Variants in KCNJ6 observed in about 807,000 individuals in gnomAD.
KCNJ6 encodes the protein G protein-activated inward rectifier potassium channel 2.
Under a neutral mutation model 34.2 loss-of-function variants are expected in KCNJ6, and 9 were observed. That is an observed-to-expected ratio of 0.26 (90% CI 0.16 to 0.46). KCNJ6 has a LOEUF of 0.46. KCNJ6 is among the 20% of genes least tolerant of loss of function. KCNJ6 has a pLI of 1.00. For synonymous variants in KCNJ6, 196 were observed against 207.1 expected, an observed-to-expected ratio of 0.95 and a Z score of 0.46; for missense variants, 236 against 531.3, an observed-to-expected ratio of 0.44 and a Z score of 5.46.
At position 37,732,050 on chromosome 21, in the gene KCNJ6, G is replaced by A. The variant is rs147612635; in HGVS notation, c.26-16919C>T. On this transcript the variant is annotated intron_variant, in intron 2 of 3. Transcript: ENST00000609713. ...TTAGATGAGGAAGGGAGATGGCAGC[G>A]TGGCTGGGGAAAACAAGCATGACAC... Among the ~76,000 whole-genome samples the A allele has an allele frequency of 9.5e-3, 1,448 of 152,356 alleles. 8 individuals are homozygous for A. Among genetic ancestry groups the A allele is most frequent in the Middle Eastern group, 0.051 (15 of 294 alleles).
intron 2 of KCNJ6, among the ~76,000 whole-genome samples, chr21:37,833,609 C>A (rs2055437683): frequency 6.6e-6 from 1 of 152,004 alleles, no homozygotes; most frequent in Non-Finnish European, 1.5e-5. Context: ...CAGGGTGACC[C>A]TAACATGTCC....
intron 1 of KCNJ6, among the ~76,000 whole-genome samples, chr21:37,861,115 CTT>C (rs1478520015): frequency 6.6e-6 from 1 of 152,322 alleles, no homozygotes; most frequent in East Asian, 1.9e-4. Flanking sequence ...CTACATCAAT[CTT>C]TGTTTCTTTA....
intron 1 of KCNJ6, among the ~76,000 whole-genome samples, chr21:37,901,456 A>T (rs1014225362): frequency 9.9e-5 from 15 of 151,998 alleles, no homozygotes; most frequent in African/African-American, 3.6e-4. Context: ...GAGCTCCTCC[A>T]CCCCCACACA....
chr21:37,909,873 C>T (rs1201342567), intron 1 of KCNJ6, among the ~76,000 whole-genome samples: 1 of 152,192 alleles, frequency 6.6e-6, no homozygotes, highest in Non-Finnish European at 1.5e-5. Context: ...ATGTCTCTAC[C>T]TGTTGCTGCA....
intron 3 of KCNJ6, among the ~76,000 whole-genome samples, chr21:37,703,983 C>T (rs865775598): frequency 6.6e-6 from 1 of 152,236 alleles, no homozygotes; most frequent in Non-Finnish European, 1.5e-5. Flanking sequence ...CCCTGCTGGG[C>T]CTGGTTTGTG....
intron 2 of KCNJ6, among the ~76,000 whole-genome samples, chr21:37,735,535 T>C (rs1569454150): frequency 6.6e-6 from 1 of 152,240 alleles, no homozygotes; most frequent in Non-Finnish European, 1.5e-5. Context: ...TGGTGAATGA[T>C]GACTTGGCAA....
chr21:37,876,466 G>T (rs1255659877), intron 1 of KCNJ6, among the ~76,000 whole-genome samples: 2 of 151,902 alleles, frequency 1.3e-5, no homozygotes, highest in African/African-American at 4.8e-5. Context: ...ATTCATTTTT[G>T]CATCATCATA....
At chr21:37,687,123 T>C (rs550825899) in intron 3 of KCNJ6, among the ~76,000 whole-genome samples, 1 of 152,172 alleles carries the variant, frequency 6.6e-6, no homozygotes, top group East Asian at 1.9e-4. Flanking sequence ...CTTGGAGGCA[T>C]TTCAGTGGCT....
chr21:37,662,069 C>G (rs1163900681), intron 3 of KCNJ6, among the ~76,000 whole-genome samples: 3 of 152,020 alleles, frequency 2.0e-5, no homozygotes, highest in Admixed American at 2.0e-4. Flanking sequence ...TCCTTGCAGT[C>G]TTGTGATCAG....
At chr21:37,678,990 A>G (rs2054579044) in intron 3 of KCNJ6, among the ~76,000 whole-genome samples, 2 of 152,184 alleles carry the variant, frequency 1.3e-5, no homozygotes, top group Admixed American at 1.3e-4. Flanking sequence ...GTGTAACTTT[A>G]GAGACTAAGT....
At chr21:37,686,810 T>C (rs4295095) in intron 3 of KCNJ6, among the ~76,000 whole-genome samples, 148,631 of 152,058 alleles carry the variant, frequency 0.98, 72,678 homozygotes, top group East Asian at 1. Context: ...GACAGGGACC[T>C]GTGCATTTAT....
intron 2 of KCNJ6, among the ~76,000 whole-genome samples, chr21:37,834,706 T>C (rs2055443402): frequency 3.3e-5 from 5 of 152,402 alleles, no homozygotes; most frequent in East Asian, 3.9e-4. Context: ...TCATTTCATC[T>C]GACACAACAG....
At chr21:37,828,329 T>A (rs973535302) in intron 2 of KCNJ6, among the ~76,000 whole-genome samples, 1 of 152,168 alleles carries the variant, frequency 6.6e-6, no homozygotes, top group Admixed American at 6.5e-5. Flanking sequence ...AGGAGGTGGC[T>A]TTCTCCCACT....
chr21:37,817,628 A>G (rs2123549965), intron 2 of KCNJ6, among the ~76,000 whole-genome samples: 1 of 152,262 alleles, frequency 6.6e-6, no homozygotes, highest in Middle Eastern at 3.4e-3. Context: ...TCTCAGGTTC[A>G]CCTTAGCCTG....
At chr21:37,631,132 C>T (rs930457864) in intron 3 of KCNJ6, among the ~76,000 whole-genome samples, 1 of 152,112 alleles carries the variant, frequency 6.6e-6, no homozygotes, top group Non-Finnish European at 1.5e-5. Context: ...GTCTTATTTC[C>T]ATATTCCTTA....
In KCNJ6 at chr21:37,766,057, C is replaced by T. The variant is rs575563711; in HGVS notation, c.26-50926G>A. 3.9e-5 allele frequency among the ~76,000 whole-genome samples: 6 copies of T among 152,326 alleles called. No homozygotes were observed. The East Asian group carries it at 5.8e-4, about 15-fold the overall frequency. ...GCCTGTTGATAAACATTTACCAGCA[C>T]GCCACTAGTTAGAAGCTACAGAGTT... is the stretch of plus-strand genomic sequence containing the variant. On this transcript the variant is annotated intron_variant, in intron 2 of 3. Transcript: ENST00000609713.
Position 37,649,150 on chromosome 21 carries a change from AAAAAG to A in KCNJ6, c.947-23671_947-23667del, listed in dbSNP as rs1298932409. Among the ~76,000 whole-genome samples the A allele has an allele frequency of 1.7e-4, 26 of 150,182 alleles. 1 individual carries two copies. The highest frequency in any genetic ancestry group is 1.0e-3 in the Admixed American group (15 of 15,068). Reference sequence around the variant, plus strand: ...TCCATCTCAAAAAAAAAAAAAAAAAAAAAAGAAAGAAAAAGAAAGGGAGTTTATAA... The same window carrying A: ...TCCATCTCAAAAAAAAAAAAAAAAAAAAAGAAAAAGAAAGGGAGTTTATAA... On this transcript the variant is annotated intron_variant, in intron 3 of 3. Coordinates refer to ENST00000609713, the MANE Select transcript of KCNJ6 (RefSeq NM_002240.5).
chr21:37,726,500 T>C (rs1056018766), intron 2 of KCNJ6, among the ~76,000 whole-genome samples: 70 of 152,298 alleles, frequency 4.6e-4, no homozygotes, highest in African/African-American at 1.7e-3. Flanking sequence ...ACCTGGCAAA[T>C]TGTCCATGCC....
intron 1 of KCNJ6, among the ~76,000 whole-genome samples, chr21:37,873,889 T>C (rs2055664798): frequency 6.6e-6 from 1 of 152,112 alleles, no homozygotes; most frequent in Non-Finnish European, 1.5e-5. Context: ...GCTCAGCATT[T>C]ACCTCATTCC....
Sources: gnomAD v4.1 joint callset for allele counts (sites outside exome capture counted in the v4.1 genomes callset) on GRCh38, gnomAD v4.1.1 for gene constraint, MANE v1.5 for transcripts, NCBI Gene and HGNC (gene_info 2026-07-23, HGNC 2026-07-21) for gene names.